The following CNTN3 variants were observed in gnomAD, a reference collection of about 807,000 sequenced individuals.
CNTN3 encodes the protein contactin 3, also known as contactin-3.
In CNTN3, 60 loss-of-function variants were observed where a neutral mutation model predicts 119.1. The ratio of observed to expected loss-of-function variants is 0.50; its 90% CI spans 0.41 to 0.62. The LOEUF is 0.62. Among genes scored for constraint, CNTN3 ranks in the 20% least tolerant of loss-of-function variants. CNTN3 has a pLI of 0.00. For synonymous variants in CNTN3, 450 were observed against 438.7 expected (o/e 1.03, Z -0.32); for missense variants, 1,101 against 1,242.4 (o/e 0.89, Z 1.71).
intron 5 of CNTN3, among the ~76,000 whole-genome samples, chr3:74,408,860 G>A (rs1274025866): frequency 6.6e-6 from 1 of 152,114 alleles, no homozygotes; most frequent in Non-Finnish European, 1.5e-5. Context: ...AAGAGCAACT[G>A]GAGGTTGTTT....
At chr3:74,406,310 A>T (rs1705322342) in intron 5 of CNTN3, among the ~76,000 whole-genome samples, 1 of 152,122 alleles carries the variant, frequency 6.6e-6, no homozygotes, top group South Asian at 2.1e-4. Context: ...AAGTGCTTAA[A>T]CTACAACGAT....
chr3:74,470,513 T>C (rs1298154917), intron 4 of CNTN3, among the ~76,000 whole-genome samples: 1 of 152,044 alleles, frequency 6.6e-6, no homozygotes, highest in Non-Finnish European at 1.5e-5. Flanking sequence ...TCTCCCTACA[T>C]GCTGTCACAG....
intron 1 of CNTN3, among the ~76,000 whole-genome samples, chr3:74,529,720 T>C (rs1703667919): frequency 6.6e-6 from 1 of 151,990 alleles, no homozygotes; most frequent in South Asian, 2.1e-4. Flanking sequence ...GTGAAAAATC[T>C]GTAAACAATA....
chr3:74,395,817 T>C (rs1415062464), intron 5 of CNTN3, among the ~76,000 whole-genome samples: 1 of 152,116 alleles, frequency 6.6e-6, no homozygotes, highest in South Asian at 2.1e-4. Flanking sequence ...CTAAGTCCAT[T>C]GGCACCATTT....
intron 4 of CNTN3, 64 bp downstream of exon 4, chr3:74,486,392 C>A: frequency 7.1e-7 from 1 of 1,414,580 alleles, no homozygotes; most frequent in South Asian, 1.3e-5. Context: ...TCCAAAACGA[C>A]TACACAAATT....
chr3:74,472,946 T>C (rs557910519), intron 4 of CNTN3, among the ~76,000 whole-genome samples: 8 of 152,278 alleles, frequency 5.3e-5, no homozygotes, highest in Middle Eastern at 3.4e-3. Flanking sequence ...ATTTTTATTT[T>C]CAGATATAGC....
chr3:74,486,351 A>C, intron 4 of CNTN3, 105 bp downstream of exon 4: 1 of 998,622 alleles, frequency 1.0e-6, no homozygotes, highest in South Asian at 1.6e-5. Context: ...CTATTTACTG[A>C]ATTAATAAAA....
At chr3:74,585,633 G>A (rs1027771197) in intron 1 of CNTN3, among the ~76,000 whole-genome samples, 1 of 152,038 alleles carries the variant, frequency 6.6e-6, no homozygotes, top group Non-Finnish European at 1.5e-5. Context: ...GTTACACGAT[G>A]ACTTGATCAC....
At chr3:74,289,142 C>T (rs375439154) in intron 19 of CNTN3, among the ~76,000 whole-genome samples, 17 of 152,238 alleles carry the variant, frequency 1.1e-4, no homozygotes, top group African/African-American at 3.8e-4. Flanking sequence ...CTCCCCCAAC[C>T]AAGGTTAATT....
At position 74,366,535 on chromosome 3, in the gene CNTN3, A is replaced by G. The variant is rs762354057; in HGVS notation, c.947-833T>C. ...GGAGGTGAGATGCCTTACTGGTTTC[A>G]CATTGCATTATGCATGTGATGTGTA... is the stretch of plus-strand genomic sequence containing the variant. On this transcript the variant is annotated intron_variant, in intron 8 of 22. Coordinates refer to ENST00000263665, the MANE Select transcript of CNTN3 (RefSeq NM_020872.3). Among the ~76,000 whole-genome samples, 57 of 151,834 alleles carry G rather than the reference A, an allele frequency of 3.8e-4. 2 individuals are homozygous for G. The highest frequency in any genetic ancestry group is 7.4e-5 in the Non-Finnish European group (5 of 67,938).
intron 6 of CNTN3, among the ~76,000 whole-genome samples, 189 bp downstream of exon 6, chr3:74,371,007 G>C (rs980496815): frequency 2.0e-5 from 3 of 152,040 alleles, no homozygotes; most frequent in Non-Finnish European, 2.9e-5. Flanking sequence ...AGCTTGCCCG[G>C]GGTAAGAATT....
chr3:74,456,747 A>C (rs547794450), intron 4 of CNTN3, among the ~76,000 whole-genome samples: 1 of 152,236 alleles, frequency 6.6e-6, no homozygotes, highest in South Asian at 2.1e-4. Context: ...TTTCAATAAA[A>C]AATTGCTGTG....
chr3:74,424,232 C>A (rs546638636), intron 5 of CNTN3, among the ~76,000 whole-genome samples: 6 of 152,158 alleles, frequency 3.9e-5, no homozygotes, highest in African/African-American at 1.4e-4. Context: ...AAATTATTTT[C>A]ATATGTGCTG....
chr3:74,490,618 A>G (rs1702945012), intron 3 of CNTN3, among the ~76,000 whole-genome samples: 1 of 152,176 alleles, frequency 6.6e-6, no homozygotes, highest in Non-Finnish European at 1.5e-5. Flanking sequence ...GGTGTCCAAG[A>G]TGTAAAACTA....
Position 74,375,738 on chromosome 3 carries a change from GA to G in CNTN3, c.455-4340del, listed in dbSNP as rs560411077. ...GTGGCCACTGGAAGCCAGAAAGGCA[GA>G]AAAACAGATTGCCTCCTTGAAACTC... is the stretch of plus-strand genomic sequence containing the variant. On this transcript the variant is annotated intron_variant, in intron 5 of 22. Transcript: ENST00000263665. Among the ~76,000 whole-genome samples the G allele has an allele frequency of 5.9e-5, 9 of 152,312 alleles. No individual in the cohort carries two copies. In the South Asian group the frequency reaches 1.9e-3, roughly 32 times the overall value.
At chr3:74,282,581 G>A (rs1702034634) in intron 20 of CNTN3, among the ~76,000 whole-genome samples, 1 of 152,126 alleles carries the variant, frequency 6.6e-6, no homozygotes, top group Non-Finnish European at 1.5e-5. Flanking sequence ...GAATCCATAG[G>A]GGAAGAGCGA....
At chr3:74,362,795 G>T (rs1166097986) in intron 10 of CNTN3, among the ~76,000 whole-genome samples, 1 of 152,130 alleles carries the variant, frequency 6.6e-6, no homozygotes, top group Non-Finnish European at 1.5e-5. Context: ...AGCTAATGCT[G>T]TGTCTTATGG....
In CNTN3 at chr3:74,451,972, G is replaced by C. The variant is rs1481126660; in HGVS notation, c.359-27032C>G. On this transcript the variant is annotated intron_variant, in intron 4 of 22. Coordinates refer to ENST00000263665, the MANE Select transcript of CNTN3 (RefSeq NM_020872.3). ...GTGAGGCCTCCAGCTTTGTTCTTTTGGCTTAGGATTGACTTGGCGATGCAG... is the reference window on the plus strand; with the variant it reads ...GTGAGGCCTCCAGCTTTGTTCTTTTCGCTTAGGATTGACTTGGCGATGCAG... 3.9e-5 allele frequency among the ~76,000 whole-genome samples: 5 copies of C among 129,104 alleles called. No individual in the cohort carries two copies. The East Asian group carries it at 1.0e-3, about 26-fold the overall frequency. The allele number at this position is 129,104 out of a possible 152,430, so 84.7% of individuals were successfully genotyped here. A position where few individuals can be genotyped will look rare whatever the true frequency, so the allele number is the denominator to read the frequency against.
chr3:74,613,820 C>T (rs895778559), intron 1 of CNTN3, among the ~76,000 whole-genome samples: 2 of 152,208 alleles, frequency 1.3e-5, no homozygotes, highest in African/African-American at 2.4e-5. Context: ...CTCAGGAAAC[C>T]TGGACTACAG....
Sources: gnomAD v4.1 joint callset for allele counts (sites outside exome capture counted in the v4.1 genomes callset) on GRCh38, gnomAD v4.1.1 for gene constraint, MANE v1.5 for transcripts, NCBI Gene and HGNC (gene_info 2026-07-23, HGNC 2026-07-21) for gene names.